Variants in ADGRB3 observed in about 807,000 individuals in gnomAD.
ADGRB3 encodes the protein brain-specific angiogenesis inhibitor 3.
In ADGRB3, 37 loss-of-function variants were observed where a neutral mutation model predicts 193.4. The ratio of observed to expected loss-of-function variants is 0.19; its 90% CI spans 0.15 to 0.25. The LOEUF is 0.25. Ranked by LOEUF, ADGRB3 falls within the 10% of genes least tolerant of loss-of-function variation. ADGRB3 has a pLI of 1.00. For missense variants in ADGRB3, 1,637 were observed against 1,852.9 expected (o/e 0.88, Z 2.14); for synonymous variants, 690 against 644.2 (o/e 1.07, Z -1.08).
chr6:68,726,602 A>G (rs1765677883), intron 3 of ADGRB3, among the ~76,000 whole-genome samples: 1 of 151,540 alleles, frequency 6.6e-6, no homozygotes, highest in Non-Finnish European at 1.5e-5. Flanking sequence ...AAAATCCTTT[A>G]TTTGGAGGGC....
rs140281912 is a variant in ADGRB3 at position 68,870,947 on chromosome 6, A to G, written c.758-59612A>G. On this transcript the variant is annotated intron_variant, in intron 3 of 31. Transcript: ENST00000370598. Reference sequence around the variant, plus strand: ...TAGGTCCTTCTGTGGCTTGACACTAATCTAGCTTCTGCTTATAGAGCCCTA... The same window carrying G: ...TAGGTCCTTCTGTGGCTTGACACTAGTCTAGCTTCTGCTTATAGAGCCCTA... 2.6e-5 allele frequency among the ~76,000 whole-genome samples: 4 copies of G among 152,286 alleles called. No homozygotes were observed. In the East Asian group the frequency reaches 7.7e-4, roughly 29 times the overall value.
intron 17 of ADGRB3, among the ~76,000 whole-genome samples, chr6:69,105,166 A>G (rs894403529): frequency 2.0e-5 from 3 of 152,214 alleles, no homozygotes; most frequent in Admixed American, 6.5e-5. Context: ...ATCAAATTTC[A>G]TCTGATTCTG....
intron 21 of ADGRB3, among the ~76,000 whole-genome samples, chr6:69,325,777 C>T (rs1768554730): frequency 2.6e-5 from 4 of 152,130 alleles, no homozygotes; most frequent in Admixed American, 2.6e-4. Context: ...ATAACAATTC[C>T]AGAATTATTT....
At chr6:69,215,238 T>C (rs1765751865) in intron 17 of ADGRB3, among the ~76,000 whole-genome samples, 1 of 152,174 alleles carries the variant, frequency 6.6e-6, no homozygotes, top group Non-Finnish European at 1.5e-5. Context: ...TGTGCTAATT[T>C]TAACTTTATA....
In ADGRB3 at chr6:68,886,734, A is replaced by T. The variant is rs544191063; in HGVS notation, c.758-43825A>T. Among the ~76,000 whole-genome samples the T allele has an allele frequency of 3.9e-4, 60 of 152,218 alleles. 2 individuals are homozygous for T. In the South Asian group the frequency reaches 5.8e-3, roughly 15 times the overall value. On this transcript the variant is annotated intron_variant, in intron 3 of 31. Coordinates refer to ENST00000370598, the MANE Select transcript of ADGRB3 (RefSeq NM_001704.3). Reference sequence around the variant, plus strand: ...CAAATAGAACCATTGTTCATGTTTTACCACATATCCTCTCAGCTTATTTTC... The same window carrying T: ...CAAATAGAACCATTGTTCATGTTTTTCCACATATCCTCTCAGCTTATTTTC...
chr6:69,268,747 G>C (rs1767106125), intron 20 of ADGRB3, among the ~76,000 whole-genome samples: 1 of 152,038 alleles, frequency 6.6e-6, no homozygotes, highest in African/African-American at 2.4e-5. Context: ...CTGTTCATTA[G>C]AGAAAAGCCT....
At chr6:69,297,368 T>TCTCTCTCTCTCTC (rs1767846054) in intron 20 of ADGRB3, among the ~76,000 whole-genome samples, 7 of 97,648 alleles carry the variant, frequency 7.2e-5, no homozygotes, top group East Asian at 4.5e-4. Context: ...CTCTCTCTCT[T>TCTCTCTCTCTCTC]TCTCTCTCTC....
At chr6:69,141,368 C>T (rs2150337915) in intron 17 of ADGRB3, among the ~76,000 whole-genome samples, 1 of 152,084 alleles carries the variant, frequency 6.6e-6, no homozygotes, top group East Asian at 1.9e-4. Flanking sequence ...CGTGATCCAC[C>T]CGCCTCGGCC....
chr6:69,158,435 C>CA (rs371530711), intron 17 of ADGRB3, among the ~76,000 whole-genome samples: 3,675 of 146,108 alleles, frequency 0.025, 135 homozygotes, highest in African/African-American at 0.075. Context: ...AAAGTTCAGC[C>CA]AAAAAAAAAA....
chr6:69,277,571 T>C (rs1166851027), intron 20 of ADGRB3, among the ~76,000 whole-genome samples: 3 of 152,312 alleles, frequency 2.0e-5, no homozygotes, highest in Admixed American at 2.0e-4. Flanking sequence ...AGCTGTCATC[T>C]CAGTTGCCAC....
At chr6:69,363,169 G>T (rs1272292074) in intron 29 of ADGRB3, among the ~76,000 whole-genome samples, 1 of 151,868 alleles carries the variant, frequency 6.6e-6, no homozygotes, top group East Asian at 1.9e-4. Context: ...CCAAATTTCC[G>T]TATCCTTATT....
At chr6:68,929,882 T>C (rs994500934) in intron 3 of ADGRB3, among the ~76,000 whole-genome samples, 1 of 151,884 alleles carries the variant, frequency 6.6e-6, no homozygotes, top group African/African-American at 2.4e-5. Context: ...AATAATCAAA[T>C]AACAGAAGGC....
chr6:68,973,466 G>A (rs561437901), intron 8 of ADGRB3, among the ~76,000 whole-genome samples: 11 of 152,040 alleles, frequency 7.2e-5, no homozygotes, highest in Non-Finnish European at 1.0e-4. Context: ...TAATGAGTTC[G>A]TAAATTCTGA....
At chr6:68,940,371 A>T (rs2150249833) in intron 5 of ADGRB3, among the ~76,000 whole-genome samples, 1 of 151,780 alleles carries the variant, frequency 6.6e-6, no homozygotes, top group Non-Finnish European at 1.5e-5. Flanking sequence ...GCCTTTACTC[A>T]TTAGATGCCA....
intron 17 of ADGRB3, among the ~76,000 whole-genome samples, chr6:69,099,597 C>T (rs1437241390): frequency 6.6e-6 from 1 of 152,178 alleles, no homozygotes; most frequent in Non-Finnish European, 1.5e-5. Flanking sequence ...GCCTTTCTTG[C>T]TCCTCAATGT....
chr6:69,022,311 A>G (rs978500879), intron 13 of ADGRB3, among the ~76,000 whole-genome samples: 1 of 151,874 alleles, frequency 6.6e-6, no homozygotes, highest in Non-Finnish European at 1.5e-5. Flanking sequence ...ATATATCAAT[A>G]ATTTTAAAAA....
rs563410709 is a variant in ADGRB3 at position 68,665,352 on chromosome 6, A to G, written c.757+25920A>G. 9.2e-5 allele frequency among the ~76,000 whole-genome samples: 14 copies of G among 151,864 alleles called. No individual in the cohort carries two copies. The South Asian group carries it at 2.9e-3, about 32-fold the overall frequency. ...TCTTTATATTTGTTTTGTTGTGCCA[A>G]TTGGGTTTCAAGAGTTGGAAGAAAA... On this transcript the variant is annotated intron_variant, in intron 3 of 31. Transcript: ENST00000370598.
chr6:69,027,135 G>A (rs1423578218), intron 13 of ADGRB3, among the ~76,000 whole-genome samples: 55 of 151,192 alleles, frequency 3.6e-4, no homozygotes, highest in Admixed American at 3.6e-3. Context: ...CAAACATATT[G>A]TACAGCTGTA....
At chr6:69,204,943 T>A (rs2150359056) in intron 17 of ADGRB3, among the ~76,000 whole-genome samples, 1 of 152,318 alleles carries the variant, frequency 6.6e-6, no homozygotes. Context: ...AAAATCATAC[T>A]GTGCCTGTTA....
Sources: gnomAD v4.1 joint callset for allele counts (sites outside exome capture counted in the v4.1 genomes callset) on GRCh38, gnomAD v4.1.1 for gene constraint, MANE v1.5 for transcripts, NCBI Gene and HGNC (gene_info 2026-07-23, HGNC 2026-07-21) for gene names.